The following RIMS2 variants were observed in gnomAD, a reference collection of about 807,000 sequenced individuals.
The protein encoded by RIMS2 is regulating synaptic membrane exocytosis protein 2.
RIMS2 carries 59 observed loss-of-function variants against 174.4 expected under a neutral mutation model. The ratio of observed to expected loss-of-function variants is 0.34; its 90% CI spans 0.27 to 0.42. RIMS2 has a LOEUF of 0.42. Among genes scored for constraint, RIMS2 ranks in the 10% least tolerant of loss-of-function variants. The pLI, the probability that RIMS2 is intolerant of heterozygous loss-of-function variation, is 1.00. For synonymous variants in RIMS2, 606 were observed against 572.5 expected (o/e 1.06, Z -0.84); for missense variants, 1,620 against 1,666.3 (o/e 0.97, Z 0.48).
chr8:104,209,389 GGAA>G (rs2099095463), intron 19 of RIMS2, among the ~76,000 whole-genome samples: 1 of 152,134 alleles, frequency 6.6e-6, no homozygotes, highest in Admixed American at 6.5e-5. Flanking sequence ...AAAATCTGTA[GGAA>G]GAAGTTGGTA....
At chr8:103,689,657 C>G (rs2096988312) in intron 1 of RIMS2, among the ~76,000 whole-genome samples, 1 of 152,016 alleles carries the variant, frequency 6.6e-6, no homozygotes, top group South Asian at 2.1e-4. Context: ...TCTATTTTGT[C>G]TGATACAAGT....
chr8:104,170,036 A>G (rs1445171262), intron 19 of RIMS2, among the ~76,000 whole-genome samples: 1 of 152,076 alleles, frequency 6.6e-6, no homozygotes, highest in Non-Finnish European at 1.5e-5. Context: ...GATACTTGAT[A>G]TGATTTCAAT....
At chr8:103,995,150 A>T (rs1027997507) in intron 17 of RIMS2, among the ~76,000 whole-genome samples, 1 of 152,048 alleles carries the variant, frequency 6.6e-6, no homozygotes, top group African/African-American at 2.4e-5. Context: ...CTATAATTAT[A>T]TGAACCACTG....
At chr8:104,122,997 T>C (rs2098396763) in intron 19 of RIMS2, among the ~76,000 whole-genome samples, 1 of 152,106 alleles carries the variant, frequency 6.6e-6, no homozygotes, top group Admixed American at 6.6e-5. Flanking sequence ...TATATTTTAA[T>C]ATCTTAGTTT....
chr8:103,749,135 G>C (rs34322085), intron 2 of RIMS2, among the ~76,000 whole-genome samples: 17,419 of 141,344 alleles, frequency 0.12, 1,352 homozygotes, highest in Non-Finnish European at 0.17. Flanking sequence ...TTTTTGAGAC[G>C]GGGTCTCCCT....
intron 19 of RIMS2, among the ~76,000 whole-genome samples, chr8:104,126,968 G>A (rs2098437122): frequency 6.6e-6 from 1 of 152,066 alleles, no homozygotes; most frequent in African/African-American, 2.4e-5. Flanking sequence ...GCTACCCTAA[G>A]GCTAGTGCCC....
chr8:103,739,643 T>A (rs1591426006), intron 2 of RIMS2, among the ~76,000 whole-genome samples: 1 of 152,224 alleles, frequency 6.6e-6, no homozygotes, highest in African/African-American at 2.4e-5. Flanking sequence ...TTTCTCTGTT[T>A]ACTTTACATT....
chr8:104,111,385 G>A (rs2098179858), intron 19 of RIMS2, among the ~76,000 whole-genome samples: 1 of 152,120 alleles, frequency 6.6e-6, no homozygotes, highest in Non-Finnish European at 1.5e-5. Flanking sequence ...AGATGGAATT[G>A]ACAAGTGGCT....
At chr8:103,504,078 C>G (rs1822053320) in intron 1 of RIMS2, among the ~76,000 whole-genome samples, 1 of 152,032 alleles carries the variant, frequency 6.6e-6, no homozygotes, top group Non-Finnish European at 1.5e-5. Flanking sequence ...TCAGTAATTA[C>G]TTTAAAGAAT....
intron 19 of RIMS2, among the ~76,000 whole-genome samples, chr8:104,067,763 C>G (rs2097130067): frequency 6.6e-6 from 1 of 152,122 alleles, no homozygotes; most frequent in Non-Finnish European, 1.5e-5. Context: ...CTTGTTCTAA[C>G]CCAAATTTTT....
chr8:103,862,683 A>G (rs1009405356), intron 3 of RIMS2, among the ~76,000 whole-genome samples: 1 of 151,870 alleles, frequency 6.6e-6, no homozygotes, highest in Non-Finnish European at 1.5e-5. Context: ...GAGATCTTTC[A>G]CCTTCTTTGT....
chr8:103,784,877 G>A (rs1390675611), intron 3 of RIMS2, among the ~76,000 whole-genome samples: 3 of 129,872 alleles, frequency 2.3e-5, no homozygotes, highest in East Asian at 2.2e-4. Context: ...CCATTTTCAC[G>A]ATATTGATTC....
Position 103,942,754 on chromosome 8 carries a change from TTG to T in RIMS2, c.2548-17_2548-16del. ...ATTATTGGTATATTATAACCGTCCT[TTG>T]TCTCTTGGGTTTGTAGATTTTAATT... On this transcript the variant is annotated splice_polypyrimidine_tract_variant and intron_variant, in intron 13 of 23. Transcript: ENST00000504942. 1 of 1,588,026 alleles carries T rather than the reference TTG, an allele frequency of 6.3e-7. No homozygotes were observed. The highest frequency in any genetic ancestry group is 8.6e-7 in the Non-Finnish European group (1 of 1,158,420).
intron 19 of RIMS2, among the ~76,000 whole-genome samples, chr8:104,167,835 A>C (rs1335601073): frequency 6.6e-6 from 1 of 151,832 alleles, no homozygotes; most frequent in African/African-American, 2.4e-5. Context: ...TTGATCTTGC[A>C]TTGAGTTTTA....
intron 16 of RIMS2, among the ~76,000 whole-genome samples, chr8:103,984,059 A>G (rs1049971893): frequency 2.0e-5 from 3 of 152,162 alleles, no homozygotes; most frequent in African/African-American, 7.2e-5. Flanking sequence ...CTGTAGTCCC[A>G]GCTACTCGGA....
chr8:104,016,504 A>G (rs2095910730), intron 19 of RIMS2, among the ~76,000 whole-genome samples: 1 of 152,124 alleles, frequency 6.6e-6, no homozygotes, highest in African/African-American at 2.4e-5. Flanking sequence ...CAATCCAGTG[A>G]TATTGTGACT....
chr8:103,501,128 G>A (rs1169237033), intron 1 of RIMS2, 66 bp downstream of exon 1: 26 of 1,276,430 alleles, frequency 2.0e-5, no homozygotes, highest in African/African-American at 7.8e-5. Context: ...ACTGCCCTGC[G>A]GCCGCCTGCG....
chr8:103,541,037 T>G (rs1842358252), intron 1 of RIMS2, among the ~76,000 whole-genome samples: 1 of 152,178 alleles, frequency 6.6e-6, no homozygotes, highest in East Asian at 1.9e-4. Context: ...AAGGCAGTTT[T>G]GAATTATAGG....
At chr8:103,576,068 A>G (rs1184644247) in intron 1 of RIMS2, among the ~76,000 whole-genome samples, 1 of 152,146 alleles carries the variant, frequency 6.6e-6, no homozygotes, top group African/African-American at 2.4e-5. Context: ...CAGCATGGAA[A>G]CCCTGCTATG....
Sources: allele counts gnomAD v4.1 joint callset (sites outside exome capture counted in the v4.1 genomes callset), GRCh38; gene constraint gnomAD v4.1.1; transcripts MANE v1.5; gene names NCBI Gene and HGNC (gene_info 2026-07-23, HGNC 2026-07-21).